Variants in EXOC1 observed in about 807,000 individuals in gnomAD.
The protein encoded by EXOC1 is SEC3-like 1.
Under a neutral mutation model 107.7 loss-of-function variants are expected in EXOC1, and 67 were observed. The ratio of observed to expected loss-of-function variants is 0.62; its 90% CI spans 0.51 to 0.76. EXOC1 has a LOEUF of 0.76. Ranked by LOEUF, EXOC1 falls within the 30% of genes least tolerant of loss-of-function variation. EXOC1 has a pLI of 0.00. For missense variants in EXOC1, 833 were observed against 1,055.7 expected (o/e 0.79, Z 2.92); for synonymous variants, 348 against 353.5 (o/e 0.98, Z 0.17).
At chr4:55,871,824 G>T in intron 7 of EXOC1, 25 bp from the exon 8 acceptor site, 1 of 1,602,270 alleles carries the variant, frequency 6.2e-7, no homozygotes, top group Non-Finnish European at 8.5e-7. Flanking sequence ...CATTAAACTG[G>T]TCACAAAATG....
chr4:55,871,101 A>T lies in EXOC1; in HGVS notation c.832A>T (p.Asn278Tyr), dbSNP rs1167117712. The T allele has an allele frequency of 1.9e-6, 3 of 1,613,092 alleles. No homozygotes were observed. In the East Asian group the frequency reaches 6.7e-5, roughly 36 times the overall value. ...AATGGTGTGTTTGCATATATTCTAG[A>T]ACCACATGGACTTGGCCAAAGGTCA... Reference protein sequence around the residue: ...KLLSEIEFLVNHMDLAKGHIK... With the variant: ...KLLSEIEFLVYHMDLAKGHIK... Residue 278 changes from asparagine (N) to tyrosine (Y), a missense_variant and splice_region_variant, in exon 7 of 19, where the codon AAC (asparagine) becomes TAC (tyrosine). Physicochemically the swap from Asn to Tyr is moderately radical, Grantham distance 143. Around this residue, in one of 2 missense-constraint regions of EXOC1, gnomAD observed 617 missense variants for 701.3 expected, o/e 0.88. Coordinates refer to ENST00000381295, the MANE Select transcript of EXOC1 (RefSeq NM_001024924.2).
intron 4 of EXOC1, among the ~76,000 whole-genome samples, chr4:55,866,037 T>C (rs1462430982): frequency 6.6e-6 from 1 of 152,136 alleles, no homozygotes; most frequent in African/African-American, 2.4e-5. Flanking sequence ...GTCTACAAAC[T>C]TGTTTTATGG....
intron 18 of EXOC1, among the ~76,000 whole-genome samples, chr4:55,903,443 A>G (rs765473065): frequency 1.3e-5 from 2 of 152,214 alleles, no homozygotes; most frequent in Admixed American, 1.3e-4. Flanking sequence ...TGGAGGGAGT[A>G]GCATTCTAGA....
chr4:55,889,296 T>C (rs1370758121), intron 11 of EXOC1, among the ~76,000 whole-genome samples: 2 of 152,230 alleles, frequency 1.3e-5, no homozygotes, highest in Non-Finnish European at 2.9e-5. Flanking sequence ...ATTTGTCTTT[T>C]CTGACCATTA....
intron 15 of EXOC1, among the ~76,000 whole-genome samples, chr4:55,896,143 ATTTTG>A (rs1439091280): frequency 6.6e-6 from 1 of 151,772 alleles, no homozygotes; most frequent in Admixed American, 6.6e-5. Flanking sequence ...CCTTGATTGT[ATTTTG>A]TTTTGTTTCA....
chr4:55,898,119 G>T (rs533901045), intron 16 of EXOC1, among the ~76,000 whole-genome samples: 2 of 152,066 alleles, frequency 1.3e-5, no homozygotes. Flanking sequence ...TTAGCCAGAC[G>T]TGGTGGTGTG....
At position 55,860,476 on chromosome 4, in the gene EXOC1, T is replaced by C. The variant is rs148511386; in HGVS notation, c.190T>C (p.Tyr64His). 1.2e-6 allele frequency: 2 copies of C among 1,613,990 alleles called. No homozygotes were observed. Among genetic ancestry groups the C allele is most frequent in the Non-Finnish European group, 1.7e-6 (2 of 1,179,966 alleles). Residue 64 changes from tyrosine to histidine, a missense_variant, in exon 3 of 19, where the codon TAC becomes CAC. Tyr to His is a moderately conservative substitution (Grantham distance 83). This residue lies in a region of EXOC1 where 617 missense variants were observed against 701.3 expected (regional missense o/e 0.88). Coordinates refer to ENST00000381295, the MANE Select transcript of EXOC1 (RefSeq NM_001024924.2). The stretch of plus-strand genomic sequence containing the variant: ...CAAGAAATCCGATAAGGGAGATTTC[T>C]ACAAAAGGCAGATTGCATGGGCCCT... ...KVKKSDKGDF[Y>H]KRQIAWALRD... is the part of the protein sequence containing the mutation.
At chr4:55,867,210 G>A (rs1056205356) in intron 4 of EXOC1, among the ~76,000 whole-genome samples, 2 of 152,052 alleles carry the variant, frequency 1.3e-5, no homozygotes, top group African/African-American at 2.4e-5. Context: ...GAACTTTTTC[G>A]CAGTGAATTA....
At chr4:55,876,614 G>T in intron 8 of EXOC1, 1 of 985,268 alleles carries the variant, frequency 1.0e-6, no homozygotes, top group Non-Finnish European at 1.2e-6. Flanking sequence ...TATAACATCT[G>T]TGGTAGCTGT....
At chr4:55,863,430 T>C (rs773281925) in intron 3 of EXOC1, among the ~76,000 whole-genome samples, 3 of 151,956 alleles carry the variant, frequency 2.0e-5, no homozygotes, top group African/African-American at 2.4e-5. Flanking sequence ...CTGGATAACA[T>C]GGGGAGATCT....
At chr4:55,897,793 T>C in intron 16 of EXOC1, among the ~76,000 whole-genome samples, 1 of 152,186 alleles carries the variant, frequency 6.6e-6, no homozygotes. Context: ...TTTTTGTATT[T>C]TTAATAGAGA....
chr4:55,900,972 A>T (rs151329997), intron 17 of EXOC1, among the ~76,000 whole-genome samples: 2 of 152,254 alleles, frequency 1.3e-5, no homozygotes, highest in Non-Finnish European at 2.9e-5. Flanking sequence ...AATTCCTTAT[A>T]AAACTTAAGA....
In EXOC1 at chr4:55,896,832, A is replaced by G. The variant is rs145260919; in HGVS notation, c.2069A>G (p.Lys690Arg). The G allele has an allele frequency of 1.6e-5, 26 of 1,612,192 alleles. No individual in the cohort carries two copies. Among genetic ancestry groups the G allele is most frequent in the Non-Finnish European group, 2.1e-5 (25 of 1,179,418 alleles). Residue 690 changes from lysine (K) to arginine (R), a missense_variant, in exon 16 of 19, where the codon AAA becomes AGA. Coordinates refer to ENST00000381295, the MANE Select transcript of EXOC1 (RefSeq NM_001024924.2). The part of the protein sequence containing the change: ...EFAGLAESIF[K>R]NAERRGDLDK... ...GCTGGACTTGCAGAATCAATCTTCAAAAATGCTGAGCGTCGTGGAGACCTG... is the reference window on the plus strand; with the variant it reads ...GCTGGACTTGCAGAATCAATCTTCAGAAATGCTGAGCGTCGTGGAGACCTG...
In EXOC1 at chr4:55,888,937, G is replaced by A; in HGVS notation, c.1375+5G>A. On this transcript the variant is annotated splice_donor_5th_base_variant and intron_variant, in intron 11 of 18. Coordinates refer to ENST00000381295, the MANE Select transcript of EXOC1 (RefSeq NM_001024924.2). ...CTGTCAAACAGGAAACAGAGAGTGA[G>A]TATGCTTAGTGTATTAGTAGGTATT... The A allele has an allele frequency of 6.2e-7, 1 of 1,613,290 alleles. No individual in the cohort carries two copies. Among genetic ancestry groups the A allele is most frequent in the Non-Finnish European group, 8.5e-7 (1 of 1,179,398 alleles).
chr4:55,864,264 A>T lies in EXOC1; in HGVS notation c.293A>T (p.Tyr98Phe). 6.3e-7 allele frequency: 1 copy of T among 1,597,752 alleles called. No homozygotes were observed. Among genetic ancestry groups the T allele is most frequent in the East Asian group, 2.2e-5 (1 of 44,560 alleles). Residue 98 changes from tyrosine to phenylalanine, a missense_variant, in exon 4 of 19, where the codon TAT (tyrosine) becomes TTT (phenylalanine). Physicochemically the swap from Tyr to Phe is conservative, Grantham distance 22. Coordinates refer to ENST00000381295, the MANE Select transcript of EXOC1 (RefSeq NM_001024924.2). ...PEFDLHFEKIYKWVASSTAEK... is the reference protein window; with the variant it reads ...PEFDLHFEKIFKWVASSTAEK... ...TTTGATTTACACTTTGAAAAAATAT[A>T]TAAATGGGTTGCCAGCAGCACTGCT...
intron 8 of EXOC1, chr4:55,872,895 T>G: frequency 2.4e-6 from 1 of 415,948 alleles, no homozygotes; most frequent in Non-Finnish European, 3.2e-6. Context: ...AGCCGAATCT[T>G]TACAGATTAT....
At chr4:55,862,001 C>T (rs1337399472) in intron 3 of EXOC1, among the ~76,000 whole-genome samples, 2 of 152,110 alleles carry the variant, frequency 1.3e-5, no homozygotes, top group Non-Finnish European at 2.9e-5. Flanking sequence ...TTGCAGTGAG[C>T]CGAGATTGCG....
At chr4:55,857,669 A>G (rs1424053585) in intron 1 of EXOC1, among the ~76,000 whole-genome samples, 1 of 152,202 alleles carries the variant, frequency 6.6e-6, no homozygotes, top group Non-Finnish European at 1.5e-5. Context: ...ATTATAAGGT[A>G]GCCCATGTTT....
chr4:55,890,337 A>G lies in EXOC1; in HGVS notation c.1490A>G (p.Asn497Ser), dbSNP rs759041959. ...TCATCTTCCCTGTTGGATATGGGAA[A>G]CATGTCTGCCTCTGATCTCGATGTT... ...SQSSSLLDMG[N>S]MSASDLDVAD... The change falls in exon 12 of 19, where the codon AAC becomes AGC. Residue 497 changes from asparagine (N) to serine (S), a missense_variant. Coordinates refer to ENST00000381295, the MANE Select transcript of EXOC1 (RefSeq NM_001024924.2). The G allele has an allele frequency of 2.5e-6, 4 of 1,614,064 alleles. No homozygotes were observed. In the Admixed American group the frequency reaches 5.0e-5, roughly 20 times the overall value.
Sources: allele counts gnomAD v4.1 joint callset (sites outside exome capture counted in the v4.1 genomes callset), GRCh38; gene constraint gnomAD v4.1.1; regional missense constraint gnomAD v4.1.1; transcripts MANE v1.5; gene names NCBI Gene and HGNC (gene_info 2026-07-23, HGNC 2026-07-21).